SLC9A9: variants seen among roughly 807,000 people sequenced by gnomAD.
SLC9A9 encodes the protein sodium/hydrogen exchanger 9.
SLC9A9 carries 62 observed loss-of-function variants against 77.8 expected under a neutral mutation model. The ratio of observed to expected loss-of-function variants is 0.80; its 90% CI spans 0.65 to 0.98. The LOEUF (loss-of-function observed/expected upper bound fraction) is 0.98, where lower values mean the gene tolerates loss of function less well. Ranked by LOEUF, SLC9A9 falls within the 50% of genes least tolerant of loss-of-function variation. The pLI, the probability that SLC9A9 is intolerant of heterozygous loss-of-function variation, is 0.00. For missense variants in SLC9A9, 775 were observed against 774.9 expected (o/e 1.00, Z 0.00); for synonymous variants, 320 against 283.5 (o/e 1.13, Z -1.29).
intron 9 of SLC9A9, among the ~76,000 whole-genome samples, chr3:143,531,637 T>C (rs956770859): frequency 2.0e-5 from 3 of 152,296 alleles, no homozygotes; most frequent in Non-Finnish European, 4.4e-5. Flanking sequence ...AGAGAAACAT[T>C]AGGAAAAATA....
rs560578696 is a variant in SLC9A9, at chr3:143,430,341, C to A, written c.1469+36696G>T. Reference sequence around the variant, plus strand: ...ATCACTTGGAAGGGGAGGATAGAAACCTCTTTTGACAAAACAGAAGTGACT... The same window carrying A: ...ATCACTTGGAAGGGGAGGATAGAAAACTCTTTTGACAAAACAGAAGTGACT... On this transcript the variant is annotated intron_variant, in intron 12 of 15. Coordinates refer to ENST00000316549, the MANE Select transcript of SLC9A9 (RefSeq NM_173653.4). Among the ~76,000 whole-genome samples, 9 of 152,274 alleles carry A rather than the reference C, an allele frequency of 5.9e-5. No individual in the cohort carries two copies. The East Asian group carries it at 1.5e-3, about 26-fold the overall frequency.
At chr3:143,349,350 C>G (rs909911050) in intron 14 of SLC9A9, among the ~76,000 whole-genome samples, 1 of 152,208 alleles carries the variant, frequency 6.6e-6, no homozygotes, top group African/African-American at 2.4e-5. Context: ...TTTCTTTGGA[C>G]AGAACCAGGA....
rs574787091 is a variant in SLC9A9 at position 143,508,101 on chromosome 3, G to T, written c.1090-12653C>A. ...ATATTTCTAATTATGTTTTTTTAAGGTGTCTGAACTGAATACCAAAATCCT... is the reference window on the plus strand; with the variant it reads ...ATATTTCTAATTATGTTTTTTTAAGTTGTCTGAACTGAATACCAAAATCCT... On this transcript the variant is annotated intron_variant, in intron 9 of 15. Coordinates refer to ENST00000316549, the MANE Select transcript of SLC9A9 (RefSeq NM_173653.4). Among the ~76,000 whole-genome samples, 6 of 152,248 alleles carry T rather than the reference G, an allele frequency of 3.9e-5. No individual in the cohort carries two copies. In the South Asian group the frequency reaches 1.2e-3, roughly 32 times the overall value.
chr3:143,498,996 AT>A (rs1282416365), intron 9 of SLC9A9, among the ~76,000 whole-genome samples: 2 of 152,234 alleles, frequency 1.3e-5, no homozygotes, highest in African/African-American at 4.8e-5. Flanking sequence ...GCTGCTAAAA[AT>A]ACATGTTTGC....
intron 12 of SLC9A9, among the ~76,000 whole-genome samples, chr3:143,460,107 T>A (rs145285018): frequency 6.6e-6 from 1 of 152,174 alleles, no homozygotes; most frequent in Admixed American, 6.5e-5. Context: ...CTTGTAGCTT[T>A]CTCTCTCTTT....
intron 6 of SLC9A9, among the ~76,000 whole-genome samples, chr3:143,643,228 C>A (rs1052300480): frequency 2.0e-5 from 3 of 152,170 alleles, no homozygotes; most frequent in African/African-American, 7.2e-5. Flanking sequence ...ACGGCTGTGA[C>A]AGTTGTTTCA....
At chr3:143,672,064 G>T (rs528944295) in intron 5 of SLC9A9, among the ~76,000 whole-genome samples, 1 of 152,206 alleles carries the variant, frequency 6.6e-6, no homozygotes, top group Non-Finnish European at 1.5e-5. Context: ...ATTTTTTGCT[G>T]TTTATAATAT....
At chr3:143,800,787 C>T (rs1012346454) in intron 2 of SLC9A9, among the ~76,000 whole-genome samples, 2 of 152,198 alleles carry the variant, frequency 1.3e-5, no homozygotes, top group African/African-American at 4.8e-5. Context: ...GTCTTCCTAA[C>T]AAGACACCCT....
At chr3:143,824,924 G>A (rs6804065) in intron 2 of SLC9A9, among the ~76,000 whole-genome samples, 136,896 of 152,242 alleles carry the variant, frequency 0.9, 62,582 homozygotes, top group South Asian at 0.98. Context: ...GAAAGGAGCT[G>A]CATCCGCCCA....
At chr3:143,633,063 T>C (rs1213730679) in intron 6 of SLC9A9, among the ~76,000 whole-genome samples, 1 of 152,218 alleles carries the variant, frequency 6.6e-6, no homozygotes, top group Non-Finnish European at 1.5e-5. Context: ...ACCTTATGCC[T>C]TTTACAAACA....
chr3:143,548,446 G>A (rs1559962773), intron 9 of SLC9A9, among the ~76,000 whole-genome samples: 2 of 152,074 alleles, frequency 1.3e-5, no homozygotes, highest in African/African-American at 4.8e-5. Context: ...TGTCCATCTT[G>A]AGTATCCCTA....
At chr3:143,775,806 T>A (rs188098076) in intron 4 of SLC9A9, among the ~76,000 whole-genome samples, 120 of 152,374 alleles carry the variant, frequency 7.9e-4, no homozygotes, top group Admixed American at 1.9e-3. Context: ...TCACATCTGC[T>A]TATTGGAACA....
At chr3:143,811,685 A>AAAAAAC (rs748301659) in intron 2 of SLC9A9, 13 of 454,788 alleles carry the variant, frequency 2.9e-5, no homozygotes, top group Non-Finnish European at 4.9e-5. Context: ...GTCTCCAGTT[A>AAAAAAC]AAAAACAAAA....
intron 6 of SLC9A9, among the ~76,000 whole-genome samples, chr3:143,629,663 A>T (rs2038388731): frequency 6.6e-6 from 1 of 151,986 alleles, no homozygotes; most frequent in Non-Finnish European, 1.5e-5. Context: ...TCATGCCAAG[A>T]CACTCCATTT....
At chr3:143,575,761 A>G (rs1576586653) in intron 7 of SLC9A9, among the ~76,000 whole-genome samples, 1 of 152,172 alleles carries the variant, frequency 6.6e-6, no homozygotes, top group Non-Finnish European at 1.5e-5. Flanking sequence ...CTTTTCTTTC[A>G]ATCTCCTCCA....
intron 6 of SLC9A9, among the ~76,000 whole-genome samples, chr3:143,591,787 G>A (rs1314431072): frequency 6.6e-6 from 1 of 152,232 alleles, no homozygotes; most frequent in Non-Finnish European, 1.5e-5. Context: ...CAGCCTTGAA[G>A]TACCAAGAGG....
At chr3:143,801,242 C>T (rs57632388) in intron 2 of SLC9A9, among the ~76,000 whole-genome samples, 6,817 of 152,186 alleles carry the variant, frequency 0.045, 271 homozygotes, top group African/African-American at 0.11. Flanking sequence ...GTACCGGGAC[C>T]GCGCCCTGTA....
intron 5 of SLC9A9, among the ~76,000 whole-genome samples, chr3:143,683,429 G>A (rs1264172093): frequency 6.6e-6 from 1 of 152,098 alleles, no homozygotes; most frequent in Non-Finnish European, 1.5e-5. Context: ...CTCAATAATA[G>A]CATTTTTAAA....
At chr3:143,686,029 C>A (rs1249432250) in intron 5 of SLC9A9, among the ~76,000 whole-genome samples, 1 of 152,182 alleles carries the variant, frequency 6.6e-6, no homozygotes, top group Non-Finnish European at 1.5e-5. Flanking sequence ...GCTAGAAATG[C>A]AGCTATGTGC....
Sources: allele counts gnomAD v4.1 joint callset (sites outside exome capture counted in the v4.1 genomes callset), GRCh38; gene constraint gnomAD v4.1.1; transcripts MANE v1.5; gene names NCBI Gene and HGNC (gene_info 2026-07-23, HGNC 2026-07-21).